The following LOC128462377 variants were observed in gnomAD, a reference collection of about 807,000 sequenced individuals.
chr16:89,371,868 T>C, the LOC128462377 span, among the ~76,000 whole-genome samples: 12 of 151,916 alleles, frequency 7.9e-5, no homozygotes, highest in African/African-American at 2.9e-4. Flanking sequence ...GAAAGGGAGG[T>C]AGACCTGGTG....
At chr16:89,338,035 G>A in the LOC128462377 span, among the ~76,000 whole-genome samples, 1 of 152,132 alleles carries the variant, frequency 6.6e-6, no homozygotes, top group Non-Finnish European at 1.5e-5. Context: ...GTATCATGGT[G>A]ACTCCCTACA....
At chr16:89,370,948 C>A in the LOC128462377 span, among the ~76,000 whole-genome samples, 2 of 152,144 alleles carry the variant, frequency 1.3e-5, no homozygotes, top group Admixed American at 6.5e-5. Context: ...AAGAACCAAG[C>A]CCTGCGGACA....
At chr16:89,385,086 A>C in the LOC128462377 span, among the ~76,000 whole-genome samples, 305 of 151,744 alleles carry the variant, frequency 2.0e-3, 2 homozygotes, top group African/African-American at 7.1e-3. Context: ...ATATTTCACC[A>C]TGTTGGCCAG....
chr16:89,356,803 GAAAA>G, the LOC128462377 span, among the ~76,000 whole-genome samples: 1 of 143,304 alleles, frequency 7.0e-6, no homozygotes, highest in Non-Finnish European at 1.5e-5. Flanking sequence ...AAAGAAAAAA[GAAAA>G]AAAAAGAACG....
the LOC128462377 span, among the ~76,000 whole-genome samples, chr16:89,371,841 G>A: frequency 6.6e-6 from 1 of 152,098 alleles, no homozygotes; most frequent in Non-Finnish European, 1.5e-5. Flanking sequence ...TGAGCAAACC[G>A]AGCTCTTCCA....
At chr16:89,317,378 G>A in the LOC128462377 span, among the ~76,000 whole-genome samples, 1 of 152,206 alleles carries the variant, frequency 6.6e-6, no homozygotes, top group Non-Finnish European at 1.5e-5. Flanking sequence ...GCAGTCAGCA[G>A]CACCTGGATC....
the LOC128462377 span, among the ~76,000 whole-genome samples, chr16:89,326,865 T>C: frequency 2.6e-5 from 4 of 152,220 alleles, no homozygotes; most frequent in East Asian, 1.9e-4. Context: ...CGCCAGGGGC[T>C]GCTGGTGGCA....
At chr16:89,332,668 G>A in the LOC128462377 span, among the ~76,000 whole-genome samples, 1 of 152,016 alleles carries the variant, frequency 6.6e-6, no homozygotes, top group African/African-American at 2.4e-5. Context: ...CAAACACAAC[G>A]AGAGAGGCGC....
the LOC128462377 span, among the ~76,000 whole-genome samples, chr16:89,347,572 C>T: frequency 4.1e-5 from 6 of 146,922 alleles, no homozygotes; most frequent in Non-Finnish European, 8.9e-5. Context: ...GATCACGCCA[C>T]TGCATTCCAG....
chr16:89,340,325 T>C, the LOC128462377 span, among the ~76,000 whole-genome samples: 2 of 152,400 alleles, frequency 1.3e-5, no homozygotes, highest in African/African-American at 4.8e-5. Flanking sequence ...TCGCCCAGGC[T>C]GAAGTGCAGT....
At chr16:89,319,234 G>C in the LOC128462377 span, among the ~76,000 whole-genome samples, 4 of 152,204 alleles carry the variant, frequency 2.6e-5, no homozygotes, top group Admixed American at 2.6e-4. Context: ...ACGGCCTCCG[G>C]ACGGTGTCTG....
chr16:89,379,069 C>T, the LOC128462377 span, among the ~76,000 whole-genome samples: 4 of 152,216 alleles, frequency 2.6e-5, no homozygotes, highest in Non-Finnish European at 5.9e-5. Context: ...AACTTAGGGT[C>T]GTCCATGCCC....
the LOC128462377 span, among the ~76,000 whole-genome samples, chr16:89,346,305 C>T: frequency 2.0e-5 from 3 of 150,536 alleles, no homozygotes; most frequent in East Asian, 1.9e-4. Flanking sequence ...GCCTCAGCCA[C>T]GGAGCAGATA....
chr16:89,322,845 TTTTG>T, the LOC128462377 span, among the ~76,000 whole-genome samples: 2,867 of 152,280 alleles, frequency 0.019, 79 homozygotes, highest in African/African-American at 0.064. Flanking sequence ...TGAAGAGTTC[TTTTG>T]TTTGTTTGTT....
chr16:89,391,085 G>T, the LOC128462377 span, among the ~76,000 whole-genome samples: 3 of 152,044 alleles, frequency 2.0e-5, no homozygotes, highest in Non-Finnish European at 2.9e-5. Flanking sequence ...AAAATTAGCC[G>T]GGCGCGGTGG....
At chr16:89,368,380 T>C in the LOC128462377 span, among the ~76,000 whole-genome samples, 1 of 130,662 alleles carries the variant, frequency 7.7e-6, no homozygotes, top group Non-Finnish European at 1.6e-5. Context: ...TGTTTTTTTT[T>C]TTTTTTTTTT....
the LOC128462377 span, among the ~76,000 whole-genome samples, chr16:89,394,340 G>C: frequency 2.0e-5 from 3 of 152,196 alleles, no homozygotes; most frequent in Admixed American, 2.0e-4. Flanking sequence ...CAGAAAAACA[G>C]CTCGTGGGCC....
At chr16:89,369,679 C>T in the LOC128462377 span, among the ~76,000 whole-genome samples, 3 of 152,226 alleles carry the variant, frequency 2.0e-5, no homozygotes, top group African/African-American at 4.8e-5. Flanking sequence ...TTTAAGGTCC[C>T]GACTGTGGGA....
the LOC128462377 span, among the ~76,000 whole-genome samples, chr16:89,378,673 G>A: frequency 0.029 from 4,436 of 152,228 alleles, 147 homozygotes; most frequent in African/African-American, 0.075. Context: ...TCTGCCTCCT[G>A]GGTTCAAGCA....
Sources: gnomAD v4.1 joint callset for allele counts (sites outside exome capture counted in the v4.1 genomes callset) on GRCh38, gnomAD v4.1.1 for gene constraint, MANE v1.5 for transcripts.